The following GLG1 variants were observed in gnomAD, a reference collection of about 807,000 sequenced individuals.
GLG1 encodes the protein golgi glycoprotein 1.
Under a neutral mutation model 160.5 loss-of-function variants are expected in GLG1, and 38 were observed. The ratio of observed to expected loss-of-function variants is 0.24; its 90% CI spans 0.18 to 0.31. GLG1 has a LOEUF of 0.31. GLG1 is among the 10% of genes least tolerant of loss of function. The pLI, the probability that GLG1 is intolerant of heterozygous loss-of-function variation, is 1.00. For missense variants in GLG1, 1,373 were observed against 1,505.2 expected, an observed-to-expected ratio of 0.91 and a Z score of 1.45; for synonymous variants, 644 against 543.4, an observed-to-expected ratio of 1.19 and a Z score of -2.57.
chr16:74,480,675 T>A (rs1010719058), intron 10 of GLG1, among the ~76,000 whole-genome samples: 9 of 151,690 alleles, frequency 5.9e-5, no homozygotes, highest in African/African-American at 1.9e-4. Flanking sequence ...TCCTCCCACC[T>A]CAGCCTCCCA....
At chr16:74,585,823 G>C (rs551143462) in intron 1 of GLG1, among the ~76,000 whole-genome samples, 14 of 152,214 alleles carry the variant, frequency 9.2e-5, no homozygotes, top group Non-Finnish European at 1.0e-4. Context: ...AACACTTTGG[G>C]AGGCCAAGGT....
At chr16:74,462,815 A>G (rs2014854359) in intron 20 of GLG1, 185 bp from the exon 21 acceptor site, 1 of 615,816 alleles carries the variant, frequency 1.6e-6, no homozygotes, top group South Asian at 2.0e-5. Flanking sequence ...TGACTTGTTA[A>G]CGAGTACTTC....
intron 2 of GLG1, among the ~76,000 whole-genome samples, chr16:74,514,593 G>C (rs964419485): frequency 2.0e-5 from 3 of 152,170 alleles, no homozygotes; most frequent in African/African-American, 2.4e-5. Context: ...CAAATGCTGA[G>C]AGCTTCTGTC....
At position 74,465,799 on chromosome 16, in the gene GLG1, C is replaced by A; in HGVS notation, c.2544G>T (p.Leu848=). Residue 848 remains leucine (L), a synonymous_variant, in exon 19 of 26, where the codon CTG becomes CTT. Transcript: ENST00000422840. Reference sequence around the variant, plus strand: ...TGCTTAGCTGCTTCTTGTTTTCTTTCAGACATTCGATAATCTATGGCAAAA... The same window carrying A: ...TGCTTAGCTGCTTCTTGTTTTCTTTAAGACATTCGATAATCTATGGCAAAA... ...QYGNAQIIEC[L]KENKKQLSTR... is the part of the protein sequence containing the mutation. The A allele has an allele frequency of 1.2e-6, 2 of 1,613,748 alleles. No homozygotes were observed. The highest frequency in any genetic ancestry group is 1.3e-5 in the African/African-American group (1 of 74,996).
chr16:74,607,056 C>T lies in GLG1; in HGVS notation c.39G>A (p.Leu13=), dbSNP rs754788878. ...ACGRVRRMFR[L]SAALHLLLLF... Reference sequence around the variant, plus strand: ...GCAGCAGCAGATGCAGCGCCGCCGACAAGCGGAACATCCTCCGTACACGTC... The same window carrying T: ...GCAGCAGCAGATGCAGCGCCGCCGATAAGCGGAACATCCTCCGTACACGTC... Residue 13 remains leucine, a synonymous_variant, in exon 1 of 26, where the codon TTG becomes TTA. Coordinates refer to ENST00000422840, the MANE Select transcript of GLG1 (RefSeq NM_001145667.2). 2 of 1,587,058 alleles carry T rather than the reference C, an allele frequency of 1.3e-6. No individual in the cohort carries two copies. Among genetic ancestry groups the T allele is most frequent in the South Asian group, 2.3e-5 (2 of 88,294 alleles).
chr16:74,493,090 T>C lies in GLG1; in HGVS notation c.1101A>G (p.Lys367=). ...TRQKLIAQDY[K]VSYSLAKSCK... ...AGGATTTGGCCAATGAATAACTGAC[T>C]TTATAATCCTGGGCAATCAGCTTTT... The change falls in exon 7 of 26, where the codon AAA becomes AAG. Residue 367 remains lysine, a synonymous_variant. Transcript: ENST00000422840. The C allele has an allele frequency of 6.2e-7, 1 of 1,613,818 alleles. No homozygotes were observed. The highest frequency in any genetic ancestry group is 1.1e-5 in the South Asian group (1 of 91,052).
intron 7 of GLG1, among the ~76,000 whole-genome samples, chr16:74,492,379 AG>A: frequency 6.7e-6 from 1 of 148,556 alleles, no homozygotes; most frequent in African/African-American, 2.5e-5. Context: ...AAAAAAAAAA[AG>A]AAAAGACAAG....
intron 9 of GLG1, 86 bp downstream of exon 9, chr16:74,485,710 A>C: frequency 7.8e-7 from 1 of 1,284,594 alleles, no homozygotes; most frequent in Non-Finnish European, 1.1e-6. Flanking sequence ...GATGTCAACA[A>C]CCACCCAAAA....
intron 1 of GLG1, among the ~76,000 whole-genome samples, chr16:74,562,864 C>G (rs181698714): frequency 6.6e-6 from 1 of 152,286 alleles, no homozygotes; most frequent in Admixed American, 6.5e-5. Flanking sequence ...GAAATGACGT[C>G]AGGAAAACAC....
chr16:74,523,917 A>T (rs1297116695), intron 2 of GLG1, among the ~76,000 whole-genome samples: 1 of 148,586 alleles, frequency 6.7e-6, no homozygotes, highest in Non-Finnish European at 1.5e-5. Context: ...GTGCATTTTA[A>T]AAAAAATAAT....
intron 15 of GLG1, among the ~76,000 whole-genome samples, chr16:74,470,296 C>G (rs986440575): frequency 2.0e-5 from 3 of 148,920 alleles, no homozygotes; most frequent in African/African-American, 7.5e-5. Context: ...TCCTTTCCTT[C>G]CTTCCTTCCC....
chr16:74,524,888 T>C (rs1027928925), intron 2 of GLG1, among the ~76,000 whole-genome samples: 5 of 152,232 alleles, frequency 3.3e-5, no homozygotes, highest in African/African-American at 1.2e-4. Context: ...TCTGAGTTCC[T>C]GGAAACCACT....
At chr16:74,499,795 A>G (rs942833672) in intron 4 of GLG1, among the ~76,000 whole-genome samples, 7 of 152,182 alleles carry the variant, frequency 4.6e-5, no homozygotes, top group African/African-American at 1.7e-4. Context: ...CAAGGTCAGG[A>G]GATAGAGACC....
At chr16:74,482,448 A>G (rs1380926522) in intron 10 of GLG1, among the ~76,000 whole-genome samples, 1 of 152,106 alleles carries the variant, frequency 6.6e-6, no homozygotes, top group African/African-American at 2.4e-5. Context: ...CGGAAAGAGG[A>G]GGGGAATGAC....
At chr16:74,524,114 C>A (rs1156430860) in intron 2 of GLG1, among the ~76,000 whole-genome samples, 2 of 152,008 alleles carry the variant, frequency 1.3e-5, no homozygotes, top group African/African-American at 2.4e-5. Context: ...GTGGCTGAGG[C>A]AGGAGAATCA....
At chr16:74,542,291 T>C (rs886196496) in intron 1 of GLG1, among the ~76,000 whole-genome samples, 2 of 150,298 alleles carry the variant, frequency 1.3e-5, no homozygotes, top group Non-Finnish European at 3.0e-5. Context: ...TATTCTTTCT[T>C]TGCCCTGTCA....
At chr16:74,557,868 A>G (rs560677616) in intron 1 of GLG1, among the ~76,000 whole-genome samples, 1 of 152,090 alleles carries the variant, frequency 6.6e-6, no homozygotes, top group Admixed American at 6.5e-5. Context: ...TACAGGCGTG[A>G]GCCACCAGGC....
intron 1 of GLG1, among the ~76,000 whole-genome samples, chr16:74,598,619 G>A (rs946894236): frequency 5.3e-5 from 8 of 151,910 alleles, no homozygotes; most frequent in Non-Finnish European, 7.4e-5. Flanking sequence ...AAGGCCGGGC[G>A]CGGTGGCTCA....
chr16:74,477,300 A>G (rs543497197), intron 12 of GLG1, 96 bp downstream of exon 12: 9 of 957,620 alleles, frequency 9.4e-6, no homozygotes, highest in Admixed American at 1.8e-5. Context: ...CTGTAAGGTA[A>G]AGAGAGATGG....
Sources: gnomAD v4.1 joint callset for allele counts (sites outside exome capture counted in the v4.1 genomes callset) on GRCh38, gnomAD v4.1.1 for gene constraint, MANE v1.5 for transcripts, NCBI Gene and HGNC (gene_info 2026-07-23, HGNC 2026-07-21) for gene names.